The following R3HDM2 variants were observed in gnomAD, a reference collection of about 807,000 sequenced individuals.
R3HDM2 encodes the protein R3H domain containing 2.
A neutral mutation model predicts 124.5 loss-of-function variants in R3HDM2; 38 were observed. The ratio of observed to expected loss-of-function variants is 0.31; its 90% confidence interval spans 0.24 to 0.40. R3HDM2 has a LOEUF of 0.40. Ranked by LOEUF, R3HDM2 falls within the 10% of genes least tolerant of loss-of-function variation. The pLI, the probability that R3HDM2 is intolerant of heterozygous loss-of-function variation, is 1.00. For synonymous variants in R3HDM2, 391 were observed against 448.0 expected, an observed-to-expected ratio of 0.87 and a Z score of 1.61; for missense variants, 869 against 1,236.9, an observed-to-expected ratio of 0.70 and a Z score of 4.46.
chr12:57,256,656 G>A lies in R3HDM2; in HGVS notation c.2450-145C>T, dbSNP rs2039108102. 8.3e-6 allele frequency: 5 copies of A among 604,338 alleles called. No individual in the cohort carries two copies. The East Asian group carries it at 1.5e-4, about 18-fold the overall frequency. The allele number at this position is 604,338 out of a possible 1,614,324, so 37.4% of individuals were successfully genotyped here. On this transcript the variant is annotated intron_variant, in intron 21 of 23. Transcript: ENST00000402412. Reference sequence around the variant, plus strand: ...AAATGCCCATGCGACTGGTATAAGAGTTGTTTCTCTTCCTAAATCCTTTGG... The same window carrying A: ...AAATGCCCATGCGACTGGTATAAGAATTGTTTCTCTTCCTAAATCCTTTGG...
At chr12:57,430,565 G>C in intron 1 of R3HDM2, 155 bp downstream of exon 1, 1 of 984,360 alleles carries the variant, frequency 1.0e-6, no homozygotes. Flanking sequence ...TCCTTCCCGC[G>C]GCCATCCGAC....
chr12:57,340,614 G>A (rs1208109847), intron 2 of R3HDM2, among the ~76,000 whole-genome samples: 1 of 152,030 alleles, frequency 6.6e-6, no homozygotes, highest in East Asian at 1.9e-4. Context: ...CCTAATGTAA[G>A]CTGAGAAGCA....
intron 2 of R3HDM2, among the ~76,000 whole-genome samples, chr12:57,362,000 G>C (rs192423393): frequency 2.0e-5 from 3 of 152,256 alleles, no homozygotes; most frequent in Non-Finnish European, 4.4e-5. Flanking sequence ...ATGCGCGGTG[G>C]AGCAGGCCTG....
At chr12:57,257,946 GA>G in intron 21 of R3HDM2, 43 bp downstream of exon 21, 1 of 1,424,170 alleles carries the variant, frequency 7.0e-7, no homozygotes, top group Non-Finnish European at 9.3e-7. Context: ...AATGGGATGT[GA>G]AAGGTGAATT....
chr12:57,424,040 G>A (rs932711683), intron 1 of R3HDM2, among the ~76,000 whole-genome samples: 1 of 140,816 alleles, frequency 7.1e-6, no homozygotes, highest in Non-Finnish European at 1.5e-5. Context: ...CTTGGACCCA[G>A]GAGTCGGAGG....
intron 12 of R3HDM2, among the ~76,000 whole-genome samples, chr12:57,287,883 G>A (rs2047696929): frequency 1.3e-5 from 2 of 152,158 alleles, no homozygotes; most frequent in African/African-American, 4.8e-5. Flanking sequence ...TACCTGCTTT[G>A]TGGGGAAATG....
chr12:57,265,860 G>A (rs1205097873), intron 19 of R3HDM2, among the ~76,000 whole-genome samples: 1 of 151,324 alleles, frequency 6.6e-6, no homozygotes, highest in Non-Finnish European at 1.5e-5. Context: ...GCAGTGGCGC[G>A]ATCTCGGCTC....
intron 1 of R3HDM2, among the ~76,000 whole-genome samples, chr12:57,397,984 C>T (rs368138924): frequency 2.0e-5 from 3 of 152,190 alleles, no homozygotes; most frequent in African/African-American, 7.2e-5. Context: ...GAGTTCGAGA[C>T]CAGCCTGGCC....
At chr12:57,263,273 C>T (rs1389314267) in intron 19 of R3HDM2, among the ~76,000 whole-genome samples, 1 of 152,140 alleles carries the variant, frequency 6.6e-6, no homozygotes, top group Non-Finnish European at 1.5e-5. Context: ...AGAAAAAATG[C>T]CCCGCAGTAC....
chr12:57,385,245 CT>C (rs1162752283), intron 2 of R3HDM2, among the ~76,000 whole-genome samples: 328 of 139,128 alleles, frequency 2.4e-3, no homozygotes, highest in Middle Eastern at 7.5e-3. Context: ...AACTTAAAGA[CT>C]TTTTTTTTTT....
Position 57,269,069 on chromosome 12 carries a change from C to G in R3HDM2, c.1728G>C (p.Met576Ile), listed in dbSNP as rs73338188. The G allele has an allele frequency of 1.5e-4, 249 of 1,614,216 alleles. No homozygotes were observed. The African/African-American group carries it at 3.0e-3, about 20-fold the overall frequency. ...QPSQQPGLQPMMPNQQQAAYQ... is the reference protein window; with the variant it reads ...QPSQQPGLQPIMPNQQQAAYQ... ...AAGCCGCCTGCTGCTGGTTAGGCAT[C>G]ATGGGCTGTAAACCTAGAGATGGGC... The change falls in exon 17 of 24, where the codon ATG becomes ATC. Residue 576 changes from methionine (M) to isoleucine (I), a missense_variant. By Grantham distance (10) the Met-to-Ile change is conservative. Transcript: ENST00000402412.
intron 14 of R3HDM2, 118 bp from the exon 15 acceptor site, chr12:57,270,112 A>G: frequency 8.1e-7 from 1 of 1,238,628 alleles, no homozygotes; most frequent in Non-Finnish European, 1.1e-6. Context: ...ACAATGGGGG[A>G]TAGTCCTACC....
intron 3 of R3HDM2, among the ~76,000 whole-genome samples, chr12:57,306,558 G>A (rs557503687): frequency 1.1e-3 from 168 of 152,124 alleles, no homozygotes; most frequent in African/African-American, 3.6e-3. Flanking sequence ...ACAGGCATGC[G>A]TCACCACACC....
At chr12:57,386,205 T>C (rs1315012866) in intron 2 of R3HDM2, among the ~76,000 whole-genome samples, 1 of 152,218 alleles carries the variant, frequency 6.6e-6, no homozygotes, top group Non-Finnish European at 1.5e-5. Flanking sequence ...GGCTCCCACT[T>C]TGGCGGCACT....
chr12:57,371,590 C>T (rs1434372479), intron 2 of R3HDM2, among the ~76,000 whole-genome samples: 1 of 152,092 alleles, frequency 6.6e-6, no homozygotes, highest in African/African-American at 2.4e-5. Flanking sequence ...CTCCAAATAT[C>T]CAGGTCATAT....
intron 14 of R3HDM2, among the ~76,000 whole-genome samples, chr12:57,270,395 A>ATTTTG (rs869081684): frequency 8.7e-5 from 9 of 103,824 alleles, no homozygotes; most frequent in African/African-American, 3.2e-4. Flanking sequence ...GCTAATTCTT[A>ATTTTG]TTTTGTTTTG....
At chr12:57,410,675 A>G (rs960666562) in intron 1 of R3HDM2, among the ~76,000 whole-genome samples, 7 of 152,182 alleles carry the variant, frequency 4.6e-5, no homozygotes, top group Admixed American at 4.6e-4. Flanking sequence ...CTACATGGCA[A>G]GACCCTGTCT....
intron 3 of R3HDM2, chr12:57,304,442 G>C (rs1187994758): frequency 2.2e-6 from 2 of 911,196 alleles, no homozygotes; most frequent in Non-Finnish European, 2.6e-6. Flanking sequence ...CAGGAGGATA[G>C]GGGAGGGGAA....
At position 57,269,893 on chromosome 12, in the gene R3HDM2, G is replaced by A; in HGVS notation, c.1446C>T (p.Ile482=). The change falls in exon 15 of 24, where the codon ATC becomes ATT. Residue 482 remains isoleucine, a synonymous_variant. Transcript: ENST00000402412. ...PSAALFQTPL[I]SQHPQQTSFI... The stretch of plus-strand genomic sequence containing the variant: ...AGCTAGTCTGCTGAGGGTGCTGGGA[G>A]ATAAGTGGGGTCTGGAATAGAGCTG... 1 of 1,614,184 alleles carries A rather than the reference G, an allele frequency of 6.2e-7. No individual in the cohort carries two copies. Among genetic ancestry groups the A allele is most frequent in the Non-Finnish European group, 8.5e-7 (1 of 1,180,036 alleles).
Sources: allele counts gnomAD v4.1 joint callset (sites outside exome capture counted in the v4.1 genomes callset), GRCh38; gene constraint gnomAD v4.1.1; transcripts MANE v1.5; gene names NCBI Gene and HGNC (gene_info 2026-07-23, HGNC 2026-07-21).